CADM2: variants seen among roughly 807,000 people sequenced by gnomAD.
CADM2 encodes the protein cell adhesion molecule 2.
A neutral mutation model predicts 49.8 loss-of-function variants in CADM2; 12 were observed. That is an observed-to-expected ratio of 0.24 (90% CI 0.15 to 0.39). CADM2 has a LOEUF of 0.39. Ranked by LOEUF, CADM2 falls within the 10% of genes least tolerant of loss-of-function variation. The pLI, the probability that CADM2 is intolerant of heterozygous loss-of-function variation, is 1.00. For missense variants in CADM2, 378 were observed against 492.3 expected (o/e 0.77, Z 2.20); for synonymous variants, 214 against 175.4 (o/e 1.22, Z -1.74).
At chr3:85,263,694 C>G (rs1423047659) in intron 1 of CADM2, among the ~76,000 whole-genome samples, 2 of 151,780 alleles carry the variant, frequency 1.3e-5, no homozygotes, top group Non-Finnish European at 2.9e-5. Context: ...AATTTTTTTT[C>G]TAATAATTAC....
intron 2 of CADM2, among the ~76,000 whole-genome samples, chr3:85,739,500 A>G (rs551821358): frequency 1.3e-5 from 2 of 152,220 alleles, no homozygotes; most frequent in South Asian, 4.1e-4. Context: ...AGAATTCAGA[A>G]TTAACCCTGC....
chr3:85,784,244 C>T (rs1169916516), intron 2 of CADM2, among the ~76,000 whole-genome samples: 2 of 152,156 alleles, frequency 1.3e-5, no homozygotes, highest in African/African-American at 4.8e-5. Flanking sequence ...TCTGTAGCTT[C>T]CGATGATTTA....
intron 1 of CADM2, among the ~76,000 whole-genome samples, chr3:85,413,161 A>AAAAAAAAAAAAAAAAAAT (rs1553720239): frequency 1.8e-5 from 2 of 108,524 alleles, no homozygotes; most frequent in African/African-American, 8.1e-5. Flanking sequence ...AAAAAAAAAA[A>AAAAAAAAAAAAAAAAAAT]AATAATAATA....
intron 6 of CADM2, among the ~76,000 whole-genome samples, chr3:85,917,988 T>A (rs1009546186): frequency 2.0e-5 from 3 of 152,218 alleles, no homozygotes; most frequent in Non-Finnish European, 4.4e-5. Context: ...TGTATAAGAA[T>A]GCTTGTGATT....
intron 8 of CADM2, among the ~76,000 whole-genome samples, chr3:85,986,534 G>T (rs1157492857): frequency 6.6e-6 from 1 of 152,034 alleles, no homozygotes; most frequent in East Asian, 1.9e-4. Flanking sequence ...GTGTCAATAT[G>T]TTGGGGTTTC....
intron 1 of CADM2, among the ~76,000 whole-genome samples, chr3:85,468,183 A>AAG (rs2038603005): frequency 7.7e-6 from 1 of 129,918 alleles, no homozygotes; most frequent in African/African-American, 2.7e-5. Flanking sequence ...AAAAAAAAAC[A>AAG]TTGAGGCAGG....
intron 1 of CADM2, among the ~76,000 whole-genome samples, chr3:85,218,643 A>G (rs1389369765): frequency 6.6e-6 from 1 of 152,060 alleles, no homozygotes; most frequent in African/African-American, 2.4e-5. Context: ...TAAAAACACA[A>G]AAATTAGCCT....
chr3:85,502,031 A>G (rs988702843), intron 1 of CADM2, among the ~76,000 whole-genome samples: 7 of 152,176 alleles, frequency 4.6e-5, no homozygotes, highest in Admixed American at 6.5e-5. Context: ...AGGAAGTATT[A>G]CAAAAGAATG....
intron 1 of CADM2, among the ~76,000 whole-genome samples, chr3:85,633,413 A>G (rs911059425): frequency 5.3e-5 from 8 of 152,060 alleles, no homozygotes; most frequent in Non-Finnish European, 1.2e-4. Context: ...GAAGAAAAAA[A>G]GATGATCTAT....
chr3:85,471,687 C>CATTTCATTTTATTTTATTTTATTTT (rs1553727390), intron 1 of CADM2, among the ~76,000 whole-genome samples: 2 of 143,348 alleles, frequency 1.4e-5, no homozygotes, highest in African/African-American at 5.1e-5. Context: ...ATATTTTTAG[C>CATTTCATTTTATTTTATTTTATTTT]ATTTTATTTT....
At chr3:85,890,050 G>T (rs867679703) in intron 5 of CADM2, among the ~76,000 whole-genome samples, 2 of 152,142 alleles carry the variant, frequency 1.3e-5, no homozygotes, top group Admixed American at 6.5e-5. Flanking sequence ...AGTCGATCTA[G>T]AGGTTTATTT....
intron 1 of CADM2, among the ~76,000 whole-genome samples, chr3:84,964,237 C>G (rs1158417839): frequency 6.6e-6 from 1 of 152,082 alleles, no homozygotes; most frequent in Non-Finnish European, 1.5e-5. Context: ...GAAAAAAATA[C>G]TTAAATCACT....
chr3:85,650,422 G>A (rs1006601050), intron 1 of CADM2, among the ~76,000 whole-genome samples: 1 of 151,564 alleles, frequency 6.6e-6, no homozygotes, highest in Non-Finnish European at 1.5e-5. Context: ...TTTCAAAACA[G>A]CATTTACAAA....
At chr3:85,531,429 G>T (rs1366991435) in intron 1 of CADM2, among the ~76,000 whole-genome samples, 1 of 152,100 alleles carries the variant, frequency 6.6e-6, no homozygotes, top group Admixed American at 6.5e-5. Context: ...TGTAGTCTGG[G>T]GATGACTTGC....
intron 3 of CADM2, among the ~76,000 whole-genome samples, chr3:85,872,456 T>C (rs2075966012): frequency 6.6e-6 from 1 of 152,066 alleles, no homozygotes; most frequent in Admixed American, 6.6e-5. Flanking sequence ...TTGGTAAGTT[T>C]TGGAACATTT....
intron 1 of CADM2, among the ~76,000 whole-genome samples, chr3:85,637,051 T>A (rs2064510622): frequency 6.6e-6 from 1 of 150,964 alleles, no homozygotes; most frequent in Admixed American, 6.6e-5. Flanking sequence ...CTAACAATTA[T>A]CCTGAAAGGT....
chr3:85,242,858 C>T (rs1486476168), intron 1 of CADM2, among the ~76,000 whole-genome samples: 1 of 151,666 alleles, frequency 6.6e-6, no homozygotes, highest in Non-Finnish European at 1.5e-5. Context: ...TTTATAATTA[C>T]AACTCTTGTT....
chr3:85,184,671 A>G (rs2041012076), intron 1 of CADM2, among the ~76,000 whole-genome samples: 1 of 152,090 alleles, frequency 6.6e-6, no homozygotes, highest in Non-Finnish European at 1.5e-5. Context: ...ATAAGCACTC[A>G]TGAGAGATAA....
At chr3:85,597,057 G>T (rs1010096004) in intron 1 of CADM2, among the ~76,000 whole-genome samples, 1 of 152,056 alleles carries the variant, frequency 6.6e-6, no homozygotes, top group Admixed American at 6.6e-5. Context: ...TAAACCAGAA[G>T]TTCTGAAAGT....
Sources: allele counts gnomAD v4.1 joint callset (sites outside exome capture counted in the v4.1 genomes callset), GRCh38; gene constraint gnomAD v4.1.1; transcripts MANE v1.5; gene names NCBI Gene and HGNC (gene_info 2026-07-23, HGNC 2026-07-21).